Variants in FBP2 observed in about 807,000 individuals in gnomAD.
FBP2 encodes fructose-1,6-bisphosphatase isozyme 2.
A neutral mutation model predicts 31.6 loss-of-function variants in FBP2; 27 were observed. The ratio of observed to expected loss-of-function variants is 0.85; its 90% CI spans 0.63 to 1.18. FBP2 has a LOEUF of 1.18. Ranked by LOEUF, FBP2 falls within the 50% of genes most tolerant of loss-of-function variation. The pLI is 0.00. For missense variants in FBP2, 421 were observed against 436.1 expected (o/e 0.97, Z 0.31); for synonymous variants, 168 against 179.8 (o/e 0.93, Z 0.53).
chr9:94,570,492 C>G (rs995976824), intron 4 of FBP2: 5 of 152,076 alleles, frequency 3.3e-5, no homozygotes, highest in Admixed American at 1.3e-4. Context: ...TTTCATAGGA[C>G]AGGTACTTTA....
intron 3 of FBP2, among the ~76,000 whole-genome samples, chr9:94,574,917 T>C (rs1181453852): frequency 6.6e-6 from 1 of 152,206 alleles, no homozygotes; most frequent in African/African-American, 2.4e-5. Flanking sequence ...GTAAATTTTA[T>C]AGTAGTTTGC....
At chr9:94,559,315 G>A (rs57803646) in intron 6 of FBP2, among the ~76,000 whole-genome samples, 183 bp from the exon 7 acceptor site, 61 of 152,300 alleles carry the variant, frequency 4.0e-4, no homozygotes, top group African/African-American at 1.4e-3. Context: ...TGCATCAGAT[G>A]GCACTCATCC....
At chr9:94,589,626 C>A (rs1827468182) in intron 1 of FBP2, among the ~76,000 whole-genome samples, 1 of 152,182 alleles carries the variant, frequency 6.6e-6, no homozygotes, top group South Asian at 2.1e-4. Context: ...TGAAGGAAAT[C>A]TCAGGTGGTT....
At chr9:94,580,983 C>A (rs1387992411) in intron 3 of FBP2, among the ~76,000 whole-genome samples, 1 of 152,136 alleles carries the variant, frequency 6.6e-6, no homozygotes, top group Non-Finnish European at 1.5e-5. Flanking sequence ...ACAAGGACAG[C>A]CTTGTAGTCA....
chr9:94,566,644 T>C (rs1009319181), intron 5 of FBP2, among the ~76,000 whole-genome samples: 1 of 152,218 alleles, frequency 6.6e-6, no homozygotes, highest in Non-Finnish European at 1.5e-5. Flanking sequence ...TTAATTCCTC[T>C]AGCTCTGCTG....
intron 3 of FBP2, among the ~76,000 whole-genome samples, chr9:94,582,791 G>A (rs1432381979): frequency 6.1e-5 from 9 of 148,506 alleles, no homozygotes; most frequent in African/African-American, 7.5e-5. Flanking sequence ...CTCGTGATTC[G>A]CCCGCCTCGG....
intron 1 of FBP2, among the ~76,000 whole-genome samples, chr9:94,591,554 T>C (rs1827503645): frequency 6.6e-6 from 1 of 151,864 alleles, no homozygotes; most frequent in African/African-American, 2.4e-5. Flanking sequence ...GCTGAGGGAG[T>C]GGGCTCCAGC....
chr9:94,591,732 T>TC (rs1337443019), intron 1 of FBP2, among the ~76,000 whole-genome samples: 3 of 152,120 alleles, frequency 2.0e-5, no homozygotes, highest in Non-Finnish European at 4.4e-5. Context: ...ACAGTTGAAA[T>TC]CGTCATCACA....
At chr9:94,585,762 ACAGG>A (rs1827420334) in intron 2 of FBP2, among the ~76,000 whole-genome samples, 1 of 151,350 alleles carries the variant, frequency 6.6e-6, no homozygotes, top group African/African-American at 2.4e-5. Context: ...AGCTGGGACT[ACAGG>A]TGCACACCAC....
chr9:94,579,003 A>C (rs1467694613), intron 3 of FBP2, among the ~76,000 whole-genome samples: 1 of 129,378 alleles, frequency 7.7e-6, no homozygotes. Flanking sequence ...CAGTGAGCGG[A>C]GCTTGCACCA....
intron 1 of FBP2, among the ~76,000 whole-genome samples, chr9:94,587,744 G>A (rs1386898577): frequency 6.6e-6 from 1 of 152,166 alleles, no homozygotes; most frequent in Non-Finnish European, 1.5e-5. Context: ...CTCAGCACGA[G>A]GAGATGGAGC....
rs936957167 is a variant in FBP2 at position 94,588,005 on chromosome 9, C to G, written c.171-536G>C. Reference sequence around the variant, plus strand: ...CTGGGACTACAGGCGCCCGCCACCACGCCCGGCTAATTTTTTTCTGTATTT... The same window carrying G: ...CTGGGACTACAGGCGCCCGCCACCAGGCCCGGCTAATTTTTTTCTGTATTT... On this transcript the variant is annotated intron_variant, in intron 1 of 6. Transcript: ENST00000375337. Among the ~76,000 whole-genome samples the G allele has an allele frequency of 3.9e-5, 6 of 152,144 alleles. No individual in the cohort carries two copies. The East Asian group carries it at 7.8e-4, about 20-fold the overall frequency.
chr9:94,571,841 T>C (rs1057019453), intron 3 of FBP2, among the ~76,000 whole-genome samples: 1 of 152,194 alleles, frequency 6.6e-6, no homozygotes, highest in African/African-American at 2.4e-5. Flanking sequence ...CATGTGTCTG[T>C]AGCCTGACAA....
chr9:94,567,464 C>T (rs539758073), intron 4 of FBP2, 57 bp from the exon 5 acceptor site: 73 of 1,598,016 alleles, frequency 4.6e-5, no homozygotes, highest in East Asian at 1.3e-4. Context: ...ACAAGCCAAC[C>T]GCACAATCCC....
chr9:94,593,722 G>A lies in FBP2; in HGVS notation c.5C>T (p.Thr2Met), dbSNP rs374397427. ...GTCGGTTTCGAAGGGGCTTCTGTCC[G>A]TCATTTTGGCTGGAATGCTTCAAAT... M[T>M]DRSPFETDML... The change falls in exon 1 of 7, where the codon ACG becomes ATG. Residue 2 changes from threonine to methionine, a missense_variant. Physicochemically the swap from Thr to Met is moderately conservative, Grantham distance 81. Coordinates refer to ENST00000375337, the MANE Select transcript of FBP2 (RefSeq NM_003837.4). 5.6e-5 allele frequency: 91 copies of A among 1,613,848 alleles called. No individual in the cohort carries two copies. The highest frequency in any genetic ancestry group is 7.2e-5 in the Non-Finnish European group (85 of 1,179,932).
rs1034756241 is a variant in FBP2, at chr9:94,584,515, C to T, written c.426+62G>A. 2.4e-5 allele frequency: 26 copies of T among 1,102,868 alleles called. No homozygotes were observed. In the African/African-American group the frequency reaches 3.1e-4, roughly 13 times the overall value. 68.3% of individuals were successfully genotyped at this position (1,102,868 alleles called of 1,614,324 possible). On this transcript the variant is annotated intron_variant, in intron 3 of 6. Coordinates refer to ENST00000375337, the MANE Select transcript of FBP2 (RefSeq NM_003837.4). Reference sequence around the variant, plus strand: ...AGGACTCCAAACACACGGTTTTCAGCCCAGGAACCTTCCAGAGACCACCAC... The same window carrying T: ...AGGACTCCAAACACACGGTTTTCAGTCCAGGAACCTTCCAGAGACCACCAC...
At chr9:94,571,172 C>T (rs189589545) in intron 4 of FBP2, among the ~76,000 whole-genome samples, 55 of 152,308 alleles carry the variant, frequency 3.6e-4, no homozygotes, top group African/African-American at 1.1e-3. Flanking sequence ...ATGGCATTCT[C>T]ATAAGCCAAA....
chr9:94,580,208 C>G (rs932308659), intron 3 of FBP2, among the ~76,000 whole-genome samples: 2 of 152,166 alleles, frequency 1.3e-5, no homozygotes, highest in African/African-American at 4.8e-5. Context: ...TTTGTACAAC[C>G]ATATAACGTT....
At chr9:94,562,133 A>T (rs1489772947) in intron 6 of FBP2, among the ~76,000 whole-genome samples, 1 of 151,832 alleles carries the variant, frequency 6.6e-6, no homozygotes, top group Non-Finnish European at 1.5e-5. Context: ...AACATGGTGA[A>T]ACCCCGTCTC....
Sources: allele counts gnomAD v4.1 joint callset (sites outside exome capture counted in the v4.1 genomes callset), GRCh38; gene constraint gnomAD v4.1.1; transcripts MANE v1.5; gene names NCBI Gene and HGNC (gene_info 2026-07-23, HGNC 2026-07-21).